Variants in ZFHX3 observed in about 807,000 individuals in gnomAD.
The protein encoded by ZFHX3 is zinc finger homeobox protein 3.
In ZFHX3, 42 loss-of-function variants were observed where a neutral mutation model predicts 279.1. That is an observed-to-expected ratio of 0.15 (90% CI 0.12 to 0.19). The LOEUF is 0.19. Ranked by LOEUF, ZFHX3 falls within the 10% of genes least tolerant of loss-of-function variation. ZFHX3 has a pLI of 1.00. For synonymous variants in ZFHX3, 2,293 were observed against 1,957.8 expected (o/e 1.17, Z -4.52); for missense variants, 4,981 against 4,754.0 (o/e 1.05, Z -1.40).
At position 73,643,503 on chromosome 16, in the gene ZFHX3, T is replaced by TA. The variant is rs549442853; in HGVS notation, c.-1547+36676dup. On this transcript the variant is annotated intron_variant, in intron 2 of 17. Transcript: ENST00000641206. ...ACGATATTAGGCACAGCACACCTTT[T>TA]AAAAAATGCTATATACATTTGCAGT... Among the ~76,000 whole-genome samples the TA allele has an allele frequency of 1.8e-3, 275 of 152,316 alleles. 4 individuals carry two copies. The highest frequency in any genetic ancestry group is 0.016 in the Admixed American group (250 of 15,296).
chr16:72,988,310 G>C (rs1290750762), intron 1 of ZFHX3, among the ~76,000 whole-genome samples: 1 of 152,206 alleles, frequency 6.6e-6, no homozygotes, highest in Non-Finnish European at 1.5e-5. Flanking sequence ...CAGCCAGCCA[G>C]TCCCGGAGCT....
intron 1 of ZFHX3, among the ~76,000 whole-genome samples, chr16:73,883,419 GTGTGTGTGTA>G (rs1314008093): frequency 6.6e-6 from 1 of 150,670 alleles, no homozygotes; most frequent in African/African-American, 2.5e-5. Flanking sequence ...GTGTGTGTGT[GTGTGTGTGTA>G]TATGAATATG....
In ZFHX3 at chr16:73,617,402, A is replaced by G. The variant is rs578040114; in HGVS notation, c.-1547+62778T>C. 7.2e-5 allele frequency among the ~76,000 whole-genome samples: 11 copies of G among 152,374 alleles called. No homozygotes were observed. The East Asian group carries it at 1.7e-3, about 24-fold the overall frequency. On this transcript the variant is annotated intron_variant, in intron 2 of 17. Coordinates refer to the ZFHX3 transcript ENST00000641206. ...CTGAAATATACACTGGGGATCGTGCAGGTACATAGGTACCTACGACATAAT... is the reference window on the plus strand; with the variant it reads ...CTGAAATATACACTGGGGATCGTGCGGGTACATAGGTACCTACGACATAAT...
intron 5 of ZFHX3, among the ~76,000 whole-genome samples, chr16:73,231,698 AAT>A (rs1394009468): frequency 1.3e-5 from 2 of 152,092 alleles, no homozygotes; most frequent in East Asian, 1.9e-4. Context: ...CCAAGAAGCA[AAT>A]GTATCCCTAA....
chr16:72,909,020 C>T (rs2039255262), intron 3 of ZFHX3, among the ~76,000 whole-genome samples: 2 of 152,170 alleles, frequency 1.3e-5, no homozygotes, highest in African/African-American at 2.4e-5. Flanking sequence ...TAGCGAGAAG[C>T]GGATGCAGGT....
chr16:72,993,632 C>A (rs1381670660), intron 1 of ZFHX3, among the ~76,000 whole-genome samples: 1 of 152,088 alleles, frequency 6.6e-6, no homozygotes, highest in Non-Finnish European at 1.5e-5. Flanking sequence ...CTAAGAAAAC[C>A]CTTTATTTTT....
intron 1 of ZFHX3, among the ~76,000 whole-genome samples, chr16:72,995,875 C>A (rs566443133): frequency 6.6e-6 from 1 of 152,258 alleles, no homozygotes. Context: ...AAATAAACGT[C>A]GGTATTTTCC....
At chr16:72,986,463 T>C (rs1962847979) in intron 1 of ZFHX3, among the ~76,000 whole-genome samples, 1 of 152,216 alleles carries the variant, frequency 6.6e-6, no homozygotes, top group African/African-American at 2.4e-5. Context: ...ATGCTGATTG[T>C]AGAATGCATT....
chr16:73,494,094 G>A (rs1030357333), intron 2 of ZFHX3, among the ~76,000 whole-genome samples: 1 of 152,228 alleles, frequency 6.6e-6, no homozygotes, highest in Middle Eastern at 3.4e-3. Context: ...CAGGCAAAGA[G>A]TCGCTTCCCG....
rs1346539597 is a variant in ZFHX3, at chr16:73,157,465, T to TTAAAAAA, written c.-1103-13635_-1103-13634insTTTTTTA. On this transcript the variant is annotated intron_variant, in intron 5 of 17. Transcript: ENST00000641206. Reference sequence around the variant, plus strand: ...TCCTGGGTGATTTAGGAATGTTTGGTAAAAAAAAAAAAAAAAAAGGCCAGT... The same window carrying TTAAAAAA: ...TCCTGGGTGATTTAGGAATGTTTGGTTAAAAAAAAAAAAAAAAAAAAAAAAGGCCAGT... 4.2e-4 allele frequency among the ~76,000 whole-genome samples: 32 copies of TTAAAAAA among 76,522 alleles called. 1 individual carries two copies. Among genetic ancestry groups the TTAAAAAA allele is most frequent in the Admixed American group, 7.0e-4 (4 of 5,720 alleles). The allele number at this position is 76,522 out of a possible 152,430, so 50.2% of individuals were successfully genotyped here.
intron 1 of ZFHX3, among the ~76,000 whole-genome samples, chr16:73,722,415 A>G (rs1291866746): frequency 6.6e-6 from 1 of 152,186 alleles, no homozygotes; most frequent in Non-Finnish European, 1.5e-5. Context: ...ATTAACCTTG[A>G]CTTTATGAAC....
At chr16:73,844,138 A>T (rs1961384907) in intron 1 of ZFHX3, among the ~76,000 whole-genome samples, 1 of 152,238 alleles carries the variant, frequency 6.6e-6, no homozygotes. Context: ...AGAAGGACAG[A>T]TGCCTGCAAA....
At chr16:73,708,803 G>A (rs560982048) in intron 1 of ZFHX3, among the ~76,000 whole-genome samples, 85 of 152,266 alleles carry the variant, frequency 5.6e-4, no homozygotes, top group Middle Eastern at 3.4e-3. Flanking sequence ...GGACAGGAGC[G>A]GGGGATGTAG....
At chr16:72,991,177 T>A (rs1008398106) in intron 1 of ZFHX3, among the ~76,000 whole-genome samples, 11 of 152,168 alleles carry the variant, frequency 7.2e-5, no homozygotes, top group Non-Finnish European at 1.2e-4. Flanking sequence ...GAGACCATAT[T>A]CCCATAACTG....
intron 4 of ZFHX3, among the ~76,000 whole-genome samples, chr16:72,874,434 C>G (rs1442408814): frequency 6.6e-6 from 1 of 151,912 alleles, no homozygotes; most frequent in Non-Finnish European, 1.5e-5. Context: ...GATCTCCTGA[C>G]CTCGTGATCT....
chr16:72,847,996 C>G (rs897820980), intron 4 of ZFHX3, among the ~76,000 whole-genome samples: 21 of 152,114 alleles, frequency 1.4e-4, no homozygotes, highest in Non-Finnish European at 1.8e-4. Context: ...ATGATTGGAG[C>G]CTGAACTTAG....
chr16:73,187,360 T>C (rs1682175958), intron 5 of ZFHX3, among the ~76,000 whole-genome samples: 1 of 151,954 alleles, frequency 6.6e-6, no homozygotes, highest in East Asian at 1.9e-4. Flanking sequence ...TTTTTTAAAT[T>C]GGGCTGATGC....
chr16:73,542,176 A>G (rs2020028618), intron 2 of ZFHX3, among the ~76,000 whole-genome samples: 1 of 152,064 alleles, frequency 6.6e-6, no homozygotes, highest in Non-Finnish European at 1.5e-5. Context: ...GCACGAATGC[A>G]GAAAGCGTTT....
chr16:72,909,588 AGT>A (rs2039267729), intron 3 of ZFHX3, among the ~76,000 whole-genome samples: 2 of 152,200 alleles, frequency 1.3e-5, no homozygotes, highest in Admixed American at 1.3e-4. Flanking sequence ...TTGAAACTCA[AGT>A]TAAGAGCCAG....
Sources: allele counts gnomAD v4.1 joint callset (sites outside exome capture counted in the v4.1 genomes callset), GRCh38; gene constraint gnomAD v4.1.1; transcripts MANE v1.5; gene names NCBI Gene and HGNC (gene_info 2026-07-23, HGNC 2026-07-21).